Variants in ZC3H7B observed in about 807,000 individuals in gnomAD.
The protein encoded by ZC3H7B is zinc finger CCCH domain-containing protein 7B.
A neutral mutation model predicts 116.0 loss-of-function variants in ZC3H7B; 35 were observed. The ratio of observed to expected loss-of-function variants is 0.30; its 90% CI spans 0.23 to 0.40. ZC3H7B has a LOEUF of 0.40. Among genes scored for constraint, ZC3H7B ranks in the 10% least tolerant of loss-of-function variants. ZC3H7B has a pLI of 1.00. For missense variants in ZC3H7B, 1,011 were observed against 1,321.5 expected (o/e 0.77, Z 3.64); for synonymous variants, 502 against 545.6 (o/e 0.92, Z 1.11).
chr22:41,310,885 C>T (rs1054309469), intron 1 of ZC3H7B, among the ~76,000 whole-genome samples: 2 of 152,014 alleles, frequency 1.3e-5, no homozygotes, highest in African/African-American at 4.8e-5. Flanking sequence ...CTGCCTCAGC[C>T]TCCCGAGTAG....
chr22:41,325,456 T>G (rs1000777867), intron 2 of ZC3H7B, 108 bp from the exon 3 acceptor site: 4 of 1,444,340 alleles, frequency 2.8e-6, no homozygotes, highest in Non-Finnish European at 3.8e-6. Flanking sequence ...CTGTTCACCC[T>G]AGTCCACAAG....
chr22:41,353,799 T>C (rs1447480542), intron 17 of ZC3H7B, among the ~76,000 whole-genome samples: 2 of 151,888 alleles, frequency 1.3e-5, no homozygotes, highest in Admixed American at 1.3e-4. Flanking sequence ...GGTCCTCTTC[T>C]CTTTTTCTCC....
intron 1 of ZC3H7B, among the ~76,000 whole-genome samples, chr22:41,319,187 G>C (rs1323778060): frequency 3.9e-5 from 6 of 152,088 alleles, no homozygotes; most frequent in Admixed American, 6.6e-5. Flanking sequence ...AGATCACGAG[G>C]TCAGGCGATC....
intron 2 of ZC3H7B, among the ~76,000 whole-genome samples, chr22:41,321,901 G>C (rs1214811463): frequency 1.5e-5 from 2 of 137,620 alleles, no homozygotes; most frequent in African/African-American, 5.6e-5. Flanking sequence ...GTGCAGTGGC[G>C]GGATCTCGGC....
chr22:41,322,422 G>A (rs1177948560), intron 2 of ZC3H7B, among the ~76,000 whole-genome samples: 8 of 151,910 alleles, frequency 5.3e-5, no homozygotes, highest in Non-Finnish European at 1.2e-4. Flanking sequence ...TCCTGACCTC[G>A]TGATCTGCCC....
intron 1 of ZC3H7B, among the ~76,000 whole-genome samples, chr22:41,311,682 A>G (rs191764812): frequency 2.6e-5 from 4 of 152,120 alleles, no homozygotes; most frequent in African/African-American, 7.2e-5. Context: ...GGAGGAAGAG[A>G]TAGGCGAGTC....
intron 10 of ZC3H7B, 119 bp downstream of exon 10, chr22:41,340,256 C>A: frequency 9.1e-7 from 1 of 1,094,374 alleles, no homozygotes; most frequent in Non-Finnish European, 1.3e-6. Flanking sequence ...CACTCCTTAG[C>A]AATCCCAGGC....
In ZC3H7B at chr22:41,356,385, A is replaced by G. The variant is rs781629611; in HGVS notation, c.2426A>G (p.His809Arg). ...QQTYDMWLKK[H>R]NPGKPGEGTP... Reference sequence around the variant, plus strand: ...ACCTATGACATGTGGCTGAAAAAACACAACCCAGGAAAGCCTGGAGAAGGG... The same window carrying G: ...ACCTATGACATGTGGCTGAAAAAACGCAACCCAGGAAAGCCTGGAGAAGGG... The change falls in exon 21 of 23, where the codon CAC becomes CGC. Residue 809 changes from histidine to arginine, a missense_variant. Transcript: ENST00000352645. 3.1e-6 allele frequency: 5 copies of G among 1,614,030 alleles called. No individual in the cohort carries two copies. The highest frequency in any genetic ancestry group is 1.3e-5 in the African/African-American group (1 of 74,940).
chr22:41,318,131 G>A (rs574526619), intron 1 of ZC3H7B, among the ~76,000 whole-genome samples: 9 of 152,164 alleles, frequency 5.9e-5, no homozygotes, highest in East Asian at 3.9e-4. Flanking sequence ...AGTCTGCCCC[G>A]TCTACAAAAC....
Position 41,342,602 on chromosome 22 carries a change from C to G in ZC3H7B, c.1271C>G (p.Ala424Gly). Reference sequence around the variant, plus strand: ...GCTGCCACCCACGAGTTCAAGCAGGCCTGCCAGCTCTGCTACCCCAAGACA... The same window carrying G: ...GCTGCCACCCACGAGTTCAAGCAGGGCTGCCAGCTCTGCTACCCCAAGACA... ...PLAATHEFKQ[A>G]CQLCYPKTGP... Residue 424 changes from alanine to glycine, a missense_variant, in exon 12 of 23, where the codon GCC becomes GGC. Ala to Gly is a moderately conservative substitution (Grantham distance 60). Around this residue, in one of 5 missense-constraint regions of ZC3H7B, gnomAD observed 179 missense variants for 178.5 expected, o/e 1.00. Transcript: ENST00000352645. 1 of 1,612,968 alleles carries G rather than the reference C, an allele frequency of 6.2e-7. No individual in the cohort carries two copies. Among genetic ancestry groups the G allele is most frequent in the South Asian group, 1.1e-5 (1 of 91,086 alleles).
In ZC3H7B at chr22:41,346,836, G is replaced by A. The variant is rs1201761470; in HGVS notation, c.1665+628G>A. Among the ~76,000 whole-genome samples, 5 of 151,916 alleles carry A rather than the reference G, an allele frequency of 3.3e-5. No individual in the cohort carries two copies. The highest frequency in any genetic ancestry group is 7.3e-5 in the African/African-American group (3 of 41,304). Reference sequence around the variant, plus strand: ...AAATTAGCTGGGCTTGGTGGCATGCGCCTCCCGTCCCAGTTACTCAGGAGG... The same window carrying A: ...AAATTAGCTGGGCTTGGTGGCATGCACCTCCCGTCCCAGTTACTCAGGAGG... On this transcript the variant is annotated intron_variant, in intron 14 of 22. Coordinates refer to ENST00000352645, the MANE Select transcript of ZC3H7B (RefSeq NM_017590.6). This position sits in a 1 kb window ranked among gnomAD's most constrained non-coding sequence, Gnocchi z 5.3.
rs2036244827 is a variant in ZC3H7B, at chr22:41,320,729, G to T, written c.53+16G>T. ...AGTTCATTCAGTAAGCCTGCATGCG[G>T]CAGGGGCTGGACGGCTGGGTGGGCA... On this transcript the variant is annotated intron_variant, in intron 2 of 22. Coordinates refer to ENST00000352645, the MANE Select transcript of ZC3H7B (RefSeq NM_017590.6). 5 of 1,613,200 alleles carry T rather than the reference G, an allele frequency of 3.1e-6. No individual in the cohort carries two copies. Among genetic ancestry groups the T allele is most frequent in the Middle Eastern group, 1.6e-4 (1 of 6,084 alleles).
rs1255094515 is a variant in ZC3H7B, at chr22:41,338,835, C to A, written c.626-166C>A. Among the ~76,000 whole-genome samples, 2 of 152,150 alleles carry A rather than the reference C, an allele frequency of 1.3e-5. No homozygotes were observed. The highest frequency in any genetic ancestry group is 2.9e-5 in the Non-Finnish European group (2 of 68,012). On this transcript the variant is annotated intron_variant, in intron 8 of 22. Transcript: ENST00000352645. This position sits in a 1 kb window ranked among gnomAD's most constrained non-coding sequence, Gnocchi z 4.5. ...CTGGGGCTGTGGCCTTCCTTGACCA[C>A]CCCCTGAGCATCTGCCAGTGGGATC...
intron 6 of ZC3H7B, among the ~76,000 whole-genome samples, chr22:41,331,392 A>G (rs1485665859): frequency 1.5e-5 from 2 of 129,766 alleles, no homozygotes; most frequent in African/African-American, 6.7e-5. Context: ...TGTCTCTACT[A>G]AAAATACGAA....
At chr22:41,308,826 C>T (rs1198361864) in intron 1 of ZC3H7B, among the ~76,000 whole-genome samples, 2 of 152,068 alleles carry the variant, frequency 1.3e-5, no homozygotes, top group South Asian at 2.1e-4. Context: ...GTTGCAGCCA[C>T]GGTGGCCTTC....
intron 12 of ZC3H7B, 92 bp downstream of exon 12, chr22:41,342,720 C>T: frequency 1.6e-6 from 2 of 1,275,468 alleles, no homozygotes; most frequent in Non-Finnish European, 2.2e-6. Flanking sequence ...CCCAGTGTCT[C>T]AGTTGGAGAT....
At chr22:41,305,225 A>G (rs1363332578) in intron 1 of ZC3H7B, among the ~76,000 whole-genome samples, 1 of 152,114 alleles carries the variant, frequency 6.6e-6, no homozygotes, top group Admixed American at 6.6e-5. Context: ...CATACCTGTA[A>G]TCGCAGCTAC....
At chr22:41,353,021 A>G (rs1019671436) in intron 17 of ZC3H7B, among the ~76,000 whole-genome samples, 3 of 151,944 alleles carry the variant, frequency 2.0e-5, no homozygotes, top group South Asian at 2.1e-4. Context: ...CAGAGGTTGC[A>G]GTGAGTTGAG....
Position 41,358,191 on chromosome 22 carries a change from G to A in ZC3H7B, c.*762G>A, listed in dbSNP as rs1359893247. On this transcript the variant is annotated 3_prime_UTR_variant, in exon 23 of 23. Transcript: ENST00000352645. ...TGGTCCACCCACGGTCCCAGCACAA[G>A]GCAGAGCTGGGATGAAAACAGGGCT... 6.6e-6 allele frequency: 1 copy of A among 152,364 alleles called. No homozygotes were observed. Among genetic ancestry groups the A allele is most frequent in the East Asian group, 1.9e-4 (1 of 5,202 alleles). 9.4% of individuals were successfully genotyped at this position (152,364 alleles called of 1,614,324 possible).
Sources: allele counts gnomAD v4.1 joint callset (sites outside exome capture counted in the v4.1 genomes callset), GRCh38; gene constraint gnomAD v4.1.1; regional missense constraint gnomAD v4.1.1; non-coding constraint Gnocchi (gnomAD v3.1); transcripts MANE v1.5; gene names NCBI Gene and HGNC (gene_info 2026-07-23, HGNC 2026-07-21).